BRPF1: variants seen among roughly 807,000 people sequenced by gnomAD.
BRPF1 encodes the protein peregrin.
BRPF1 carries 15 observed loss-of-function variants against 115.0 expected under a neutral mutation model. The ratio of observed to expected loss-of-function variants is 0.13; its 90% CI spans 0.09 to 0.20. The LOEUF (loss-of-function observed/expected upper bound fraction) is 0.20, where lower values mean the gene tolerates loss of function less well. Ranked by LOEUF, BRPF1 falls within the 10% of genes least tolerant of loss-of-function variation. The pLI is 1.00. For synonymous variants in BRPF1, 647 were observed against 619.8 expected (o/e 1.04, Z -0.65); for missense variants, 1,118 against 1,638.3 (o/e 0.68, Z 5.48).
chr3:9,745,481 G>T lies in BRPF1; in HGVS notation c.3069-92G>T. On this transcript the variant is annotated intron_variant, in intron 10 of 13. Transcript: ENST00000383829. This position sits in a 1 kb window ranked among gnomAD's most constrained non-coding sequence, Gnocchi z 5.1. The stretch of plus-strand genomic sequence containing the variant: ...TAGCCTCTGCTTTCCAAAAGTCTCA[G>T]ACCCTGCGGGCTTTAAGAGCTGAGG... The T allele has an allele frequency of 7.0e-7, 1 of 1,436,216 alleles. No individual in the cohort carries two copies. The highest frequency in any genetic ancestry group is 1.2e-5 in the South Asian group (1 of 82,728). The allele number at this position is 1,436,216 out of a possible 1,614,324, so 89.0% of individuals were successfully genotyped here.
Position 9,734,383 on chromosome 3 carries a change from C to T in BRPF1, c.243C>T (p.Val81=). The change falls in exon 2 of 14, where the codon GTC becomes GTT. Residue 81 remains valine, a synonymous_variant. Coordinates refer to ENST00000383829, the MANE Select transcript of BRPF1 (RefSeq NM_001003694.2). This position sits in a 1 kb window ranked among gnomAD's most constrained non-coding sequence, Gnocchi z 5.7. ...ANKQSPSPSE[V]SQSPGREVMS... ...AGCAGTCACCCAGCCCCTCAGAGGTCTCACAGTCACCAGGCCGTGAGGTGA... is the reference window on the plus strand; with the variant it reads ...AGCAGTCACCCAGCCCCTCAGAGGTTTCACAGTCACCAGGCCGTGAGGTGA... The T allele has an allele frequency of 6.2e-7, 1 of 1,614,130 alleles. No individual in the cohort carries two copies. The highest frequency in any genetic ancestry group is 8.5e-7 in the Non-Finnish European group (1 of 1,180,034).
chr3:9,740,101 A>C (rs2077004625), intron 3 of BRPF1, 143 bp downstream of exon 3: 1 of 1,387,002 alleles, frequency 7.2e-7, no homozygotes, highest in Non-Finnish European at 9.4e-7. Context: ...TTTTCAAAAC[A>C]GATAGTTGTC....
chr3:9,738,435 A>C (rs909082843), intron 2 of BRPF1, among the ~76,000 whole-genome samples: 6 of 152,354 alleles, frequency 3.9e-5, no homozygotes, highest in African/African-American at 1.4e-4. Context: ...CTATCCAGTG[A>C]ACAAACATAG....
chr3:9,731,807 C>G lies in BRPF1; in HGVS notation c.-342C>G, dbSNP rs909047408. Reference sequence around the variant, plus strand: ...CAGCCTTTGCCGCCACGGTCTCCGCCGCCGCTGTCCTCGCGCTGCCTCTGG... The same window carrying G: ...CAGCCTTTGCCGCCACGGTCTCCGCGGCCGCTGTCCTCGCGCTGCCTCTGG... On this transcript the variant is annotated 5_prime_UTR_variant, in exon 1 of 14. Transcript: ENST00000383829. 1 of 155,648 alleles carries G rather than the reference C, an allele frequency of 6.4e-6. No individual in the cohort carries two copies. Among genetic ancestry groups the G allele is most frequent in the African/African-American group, 2.4e-5 (1 of 41,500 alleles). 9.6% of individuals were successfully genotyped at this position (155,648 alleles called of 1,614,324 possible).
intron 6 of BRPF1, chr3:9,742,479 C>T: frequency 9.1e-6 from 9 of 985,432 alleles, no homozygotes; most frequent in Non-Finnish European, 1.1e-5. Flanking sequence ...TTAGAAGGCT[C>T]AGCACCTAAA....
At position 9,735,432 on chromosome 3, in the gene BRPF1, C is replaced by T. The variant is rs557763374; in HGVS notation, c.599+693C>T. 1.6e-4 allele frequency among the ~76,000 whole-genome samples: 25 copies of T among 152,306 alleles called. No individual in the cohort carries two copies. In the South Asian group the frequency reaches 4.6e-3, roughly 28 times the overall value. On this transcript the variant is annotated intron_variant, in intron 2 of 13. Transcript: ENST00000383829. The stretch of plus-strand genomic sequence containing the variant: ...AAACATCCTGTTTCTGATTCCTGGT[C>T]CTCTCCATTTCCTTATGCATGACCT...
At chr3:9,744,913 G>C (rs944812969) in intron 9 of BRPF1, 95 bp from the exon 10 acceptor site, 1 of 1,553,396 alleles carries the variant, frequency 6.4e-7, no homozygotes, top group East Asian at 2.2e-5. Context: ...GCACAGAAGG[G>C]GAACCCAAGC....
Position 9,747,118 on chromosome 3 carries a change from C to T in BRPF1, c.3480-48C>T. On this transcript the variant is annotated intron_variant, in intron 13 of 13. Transcript: ENST00000383829. The surrounding 1 kb of genome is among the most constrained non-coding windows in gnomAD (Gnocchi z 5.6). ...GAGTGAATAGAGGAGGAAGGCTGGT[C>T]CTTGTTCTCCCTGAGATGATTTATT... is the stretch of plus-strand genomic sequence containing the variant. The T allele has an allele frequency of 1.2e-6, 2 of 1,603,798 alleles. No homozygotes were observed. Among genetic ancestry groups the T allele is most frequent in the Non-Finnish European group, 1.7e-6 (2 of 1,172,878 alleles).
chr3:9,738,085 C>T (rs1043699335), intron 2 of BRPF1, among the ~76,000 whole-genome samples: 2 of 152,126 alleles, frequency 1.3e-5, no homozygotes, highest in Non-Finnish European at 2.9e-5. Context: ...AGAGTCTAGG[C>T]CACCTATAGC....
At chr3:9,736,496 A>T (rs2076944219) in intron 2 of BRPF1, among the ~76,000 whole-genome samples, 1 of 150,876 alleles carries the variant, frequency 6.6e-6, no homozygotes, top group South Asian at 2.1e-4. Flanking sequence ...TGCCCTACCC[A>T]CCTCTGCCCT....
In BRPF1 at chr3:9,747,382, TG is replaced by T. The variant is rs1559670600; in HGVS notation, c.*34del. 6.2e-7 allele frequency: 1 copy of T among 1,601,232 alleles called. No homozygotes were observed. The highest frequency in any genetic ancestry group is 8.5e-7 in the Non-Finnish European group (1 of 1,170,684). On this transcript the variant is annotated 3_prime_UTR_variant, in exon 14 of 14. Transcript: ENST00000383829. This position sits in a 1 kb window ranked among gnomAD's most constrained non-coding sequence, Gnocchi z 5.6. ...CAACACAGCCCAACCTATAGTGCCC[TG>T]TGACTTCTCTCCTCCCCTTTGCTCA...
chr3:9,743,985 G>A lies in BRPF1; in HGVS notation c.2635+84G>A. 1 of 1,454,884 alleles carries A rather than the reference G, an allele frequency of 6.9e-7. No individual in the cohort carries two copies. The highest frequency in any genetic ancestry group is 9.2e-7 in the Non-Finnish European group (1 of 1,089,874). 90.1% of individuals were successfully genotyped at this position (1,454,884 alleles called of 1,614,324 possible). A position where few individuals can be genotyped will look rare whatever the true frequency, so the allele number is the denominator to read the frequency against. Reference sequence around the variant, plus strand: ...ACACTCAACCCCTGCCATTCCCCAGGCAGAGGTCCCTCCTACACAGCTAGC... The same window carrying A: ...ACACTCAACCCCTGCCATTCCCCAGACAGAGGTCCCTCCTACACAGCTAGC... On this transcript the variant is annotated intron_variant, in intron 8 of 13. Coordinates refer to ENST00000383829, the MANE Select transcript of BRPF1 (RefSeq NM_001003694.2). This position sits in a 1 kb window ranked among gnomAD's most constrained non-coding sequence, Gnocchi z 6.1.
In BRPF1 at chr3:9,741,387, C is replaced by T; in HGVS notation, c.1802C>T (p.Ala601Val). The change falls in exon 5 of 14, where the codon GCT becomes GTT. Residue 601 changes from alanine (A) to valine (V), a missense_variant. By Grantham distance (64) the Ala-to-Val change is moderately conservative. Transcript: ENST00000383829. Reference protein sequence around the residue: ...WQRLRHDLERARLLVELIRKR... With the variant: ...WQRLRHDLERVRLLVELIRKR... ...CGGCTCCGGCATGACTTGGAGCGAG[C>T]TCGGCTGCTCGTGGAATTGATCCGC... 6.2e-7 allele frequency: 1 copy of T among 1,609,186 alleles called. No homozygotes were observed. Among genetic ancestry groups the T allele is most frequent in the Non-Finnish European group, 8.5e-7 (1 of 1,176,466 alleles).
Position 9,747,465 on chromosome 3 carries a change from C to T in BRPF1, c.*116C>T. The stretch of plus-strand genomic sequence containing the variant: ...ACTCATTTCTGGTCTTGGGGCCAGT[C>T]TCAGGGGAAGCTGGGTGGGGGAGGT... On this transcript the variant is annotated 3_prime_UTR_variant, in exon 14 of 14. Transcript: ENST00000383829. The surrounding 1 kb of genome is among the most constrained non-coding windows in gnomAD (Gnocchi z 5.6). 7.5e-7 allele frequency: 1 copy of T among 1,326,556 alleles called. No individual in the cohort carries two copies. The highest frequency in any genetic ancestry group is 1.0e-6 in the Non-Finnish European group (1 of 959,292). 82.2% of individuals were successfully genotyped at this position (1,326,556 alleles called of 1,614,324 possible).
At position 9,743,621 on chromosome 3, in the gene BRPF1, C is replaced by T; in HGVS notation, c.2355C>T (p.His785=). Residue 785 remains histidine (H), a synonymous_variant, in exon 8 of 14, where the codon CAC becomes CAT. Transcript: ENST00000383829. The surrounding 1 kb of genome is among the most constrained non-coding windows in gnomAD (Gnocchi z 6.1). ...ERLVLLENQK[H]LPVEEQLKLL... is the part of the protein sequence containing the mutation. The stretch of plus-strand genomic sequence containing the variant: ...TGGTCTTGCTGGAGAACCAGAAGCA[C>T]CTGCCAGTGGAAGAACAGCTAAAGC... 6.2e-7 allele frequency: 1 copy of T among 1,613,776 alleles called. No homozygotes were observed. Among genetic ancestry groups the T allele is most frequent in the Non-Finnish European group, 8.5e-7 (1 of 1,179,968 alleles).
intron 12 of BRPF1, 96 bp from the exon 13 acceptor site, chr3:9,746,204 C>T: frequency 7.1e-7 from 1 of 1,414,340 alleles, no homozygotes; most frequent in African/African-American, 1.4e-5. Context: ...GATACCCTCT[C>T]TGTCCCCACT....
chr3:9,744,043 C>G, intron 8 of BRPF1, 142 bp downstream of exon 8: 1 of 1,289,404 alleles, frequency 7.8e-7, no homozygotes, highest in Non-Finnish European at 1.1e-6. Flanking sequence ...AATCAGGGGC[C>G]TCTTAGCTGC....
Position 9,740,946 on chromosome 3 carries a change from T to C in BRPF1, c.1722+5T>C, listed in dbSNP as rs775590646. 1.7e-5 allele frequency: 28 copies of C among 1,609,750 alleles called. No individual in the cohort carries two copies. Among genetic ancestry groups the C allele is most frequent in the Non-Finnish European group, 2.1e-5 (25 of 1,179,568 alleles). ...AGGAACTGTGACCAAGTTGGGGTAC[T>C]GTGTCCAGTTCCCTGTGGGCTCTGG... is the stretch of plus-strand genomic sequence containing the variant. On this transcript the variant is annotated splice_donor_5th_base_variant and intron_variant, in intron 4 of 13. Coordinates refer to ENST00000383829, the MANE Select transcript of BRPF1 (RefSeq NM_001003694.2).
intron 3 of BRPF1, among the ~76,000 whole-genome samples, 170 bp from the exon 4 acceptor site, chr3:9,740,609 C>G (rs1350298486): frequency 6.6e-6 from 1 of 152,166 alleles, no homozygotes; most frequent in East Asian, 1.9e-4. Flanking sequence ...CACGGTACCA[C>G]TGATGGCACC....
Sources: allele counts gnomAD v4.1 joint callset (sites outside exome capture counted in the v4.1 genomes callset), GRCh38; gene constraint gnomAD v4.1.1; non-coding constraint Gnocchi (gnomAD v3.1); transcripts MANE v1.5; gene names NCBI Gene and HGNC (gene_info 2026-07-23, HGNC 2026-07-21).